The following NALF1 variants were observed in gnomAD, a reference collection of about 807,000 sequenced individuals.
The protein encoded by NALF1 is family with sequence similarity 155 member A.
A neutral mutation model predicts 48.4 loss-of-function variants in NALF1; 3 were observed. The ratio of observed to expected loss-of-function variants is 0.06; its 90% confidence interval spans 0.03 to 0.16. The LOEUF is 0.16. Ranked by LOEUF, NALF1 falls within the 10% of genes least tolerant of loss-of-function variation. The pLI is 1.00. For missense variants in NALF1, 526 were observed against 571.5 expected (o/e 0.92, Z 0.81); for synonymous variants, 262 against 245.7 (o/e 1.07, Z -0.62).
intron 1 of NALF1, among the ~76,000 whole-genome samples, chr13:107,356,386 A>C (rs1346226333): frequency 6.6e-6 from 1 of 152,244 alleles, no homozygotes; most frequent in Admixed American, 6.5e-5. Flanking sequence ...AGAGAAACTT[A>C]AATCTCAAAT....
At chr13:107,731,407 C>T (rs1340494685) in intron 1 of NALF1, among the ~76,000 whole-genome samples, 2 of 151,932 alleles carry the variant, frequency 1.3e-5, no homozygotes, top group African/African-American at 4.8e-5. Flanking sequence ...TATTTTTTAA[C>T]TTTTATTTTA....
At chr13:107,528,503 T>C (rs1304263766) in intron 1 of NALF1, among the ~76,000 whole-genome samples, 1 of 152,146 alleles carries the variant, frequency 6.6e-6, no homozygotes, top group Non-Finnish European at 1.5e-5. Context: ...TATGAAATTA[T>C]TCAAATTATC....
At chr13:107,467,947 C>T (rs1885033839) in intron 1 of NALF1, among the ~76,000 whole-genome samples, 1 of 151,252 alleles carries the variant, frequency 6.6e-6, no homozygotes, top group South Asian at 2.1e-4. Flanking sequence ...ACTCGGGAGG[C>T]TGAGGCAGGA....
chr13:107,318,740 CTA>C (rs1342058121), intron 1 of NALF1, among the ~76,000 whole-genome samples: 4 of 152,012 alleles, frequency 2.6e-5, no homozygotes, highest in African/African-American at 4.8e-5. Flanking sequence ...GTAGGCAAGA[CTA>C]TGCACAAGAA....
At chr13:107,175,265 T>C (rs1215679526) in intron 2 of NALF1, among the ~76,000 whole-genome samples, 1 of 147,916 alleles carries the variant, frequency 6.8e-6, no homozygotes, top group Non-Finnish European at 1.5e-5. Context: ...GGGATGGGAG[T>C]AGGGAATGGG....
At chr13:107,192,239 C>T (rs559407750) in intron 2 of NALF1, among the ~76,000 whole-genome samples, 6 of 152,246 alleles carry the variant, frequency 3.9e-5, no homozygotes, top group South Asian at 4.1e-4. Flanking sequence ...GCTCCTGACA[C>T]GGGGCACCAG....
chr13:107,405,442 CCTTT>C (rs1883882975), intron 1 of NALF1, among the ~76,000 whole-genome samples: 1 of 151,982 alleles, frequency 6.6e-6, no homozygotes, highest in Non-Finnish European at 1.5e-5. Flanking sequence ...CTTGAAGTGG[CCTTT>C]CTGTTGATTG....
intron 2 of NALF1, among the ~76,000 whole-genome samples, chr13:107,193,139 T>C (rs1032851727): frequency 6.6e-6 from 1 of 152,110 alleles, no homozygotes; most frequent in Non-Finnish European, 1.5e-5. Flanking sequence ...TGGTGGTAGC[T>C]GAAGGTTTTC....
chr13:107,524,648 CA>C (rs1876366765), intron 1 of NALF1, among the ~76,000 whole-genome samples: 1 of 152,160 alleles, frequency 6.6e-6, no homozygotes, highest in East Asian at 1.9e-4. Flanking sequence ...CCCAAAGCCT[CA>C]AAGCACTTTG....
chr13:107,439,961 A>C (rs1470699185), intron 1 of NALF1, among the ~76,000 whole-genome samples: 1 of 152,142 alleles, frequency 6.6e-6, no homozygotes, highest in Admixed American at 6.5e-5. Flanking sequence ...GAGAAAAAAA[A>C]CCTACCTGCT....
At chr13:107,374,147 C>G (rs1883295675) in intron 1 of NALF1, among the ~76,000 whole-genome samples, 1 of 152,158 alleles carries the variant, frequency 6.6e-6, no homozygotes, top group Admixed American at 6.5e-5. Flanking sequence ...CCATCAGTGT[C>G]GTTTTCTCTG....
At position 107,563,627 on chromosome 13, in the gene NALF1, A is replaced by C. The variant is rs112630202; in HGVS notation, c.915+302055T>G. Among the ~76,000 whole-genome samples the C allele has an allele frequency of 7.6e-3, 1,157 of 152,314 alleles. 15 individuals carry two copies. The highest frequency in any genetic ancestry group is 0.027 in the African/African-American group (1,109 of 41,562). ...TATCATTTATGTATTCCCACAAAGC[A>C]CTAGTGTCCTTTACTTCTGTCCCTC... On this transcript the variant is annotated intron_variant, in intron 1 of 2. Coordinates refer to ENST00000375915, the MANE Select transcript of NALF1 (RefSeq NM_001080396.3).
In NALF1 at chr13:107,417,119, C is replaced by T. The variant is rs139855505; in HGVS notation, c.916-206364G>A. On this transcript the variant is annotated intron_variant, in intron 1 of 2. Coordinates refer to ENST00000375915, the MANE Select transcript of NALF1 (RefSeq NM_001080396.3). ...TCTTATGTGGATCTGGGACACAATG[C>T]ATACTGTTGTTTAACTCTTTAAGTA... is the stretch of plus-strand genomic sequence containing the variant. Among the ~76,000 whole-genome samples the T allele has an allele frequency of 3.9e-3, 599 of 152,328 alleles. 2 individuals are homozygous for T. Among genetic ancestry groups the T allele is most frequent in the African/African-American group, 0.014 (577 of 41,578 alleles).
At chr13:107,443,402 A>G (rs1884598346) in intron 1 of NALF1, among the ~76,000 whole-genome samples, 1 of 152,076 alleles carries the variant, frequency 6.6e-6, no homozygotes, top group Non-Finnish European at 1.5e-5. Flanking sequence ...TTTTTAGTAG[A>G]GGCAGATTCT....
chr13:107,257,402 T>C (rs1880839393), intron 1 of NALF1, among the ~76,000 whole-genome samples: 1 of 152,146 alleles, frequency 6.6e-6, no homozygotes, highest in African/African-American at 2.4e-5. Context: ...ACTTGATCCA[T>C]CTAACATATT....
intron 1 of NALF1, among the ~76,000 whole-genome samples, chr13:107,406,087 A>G (rs893770439): frequency 4.1e-4 from 62 of 152,148 alleles, no homozygotes; most frequent in African/African-American, 1.4e-3. Context: ...TGACAAGGCT[A>G]TCCAACCAAC....
chr13:107,859,388 T>C (rs1024076154), intron 1 of NALF1, among the ~76,000 whole-genome samples: 1 of 152,208 alleles, frequency 6.6e-6, no homozygotes, highest in Non-Finnish European at 1.5e-5. Context: ...GCATCTGAGA[T>C]AGCTTCTATA....
intron 1 of NALF1, among the ~76,000 whole-genome samples, chr13:107,818,443 G>A (rs1249560243): frequency 6.6e-6 from 1 of 152,166 alleles, no homozygotes; most frequent in Non-Finnish European, 1.5e-5. Flanking sequence ...GCTCCTATTG[G>A]AAGGGGGTTT....
chr13:107,761,361 A>G (rs1317393709), intron 1 of NALF1, among the ~76,000 whole-genome samples: 1 of 956 alleles, frequency 1.0e-3, no homozygotes, highest in African/African-American at 2.1e-3. Context: ...CGTCTCAAAA[A>G]AACAAAAAAA....
Sources: allele counts gnomAD v4.1 joint callset (sites outside exome capture counted in the v4.1 genomes callset), GRCh38; gene constraint gnomAD v4.1.1; transcripts MANE v1.5; gene names NCBI Gene and HGNC (gene_info 2026-07-23, HGNC 2026-07-21).